The following PTGES3L variants were observed in gnomAD, a reference collection of about 807,000 sequenced individuals.
PTGES3L encodes the protein putative protein PTGES3L.
PTGES3L carries 17 observed loss-of-function variants against 25.0 expected under a neutral mutation model. The observed-to-expected ratio is 0.68, with a 90% CI of 0.47 to 1.02. The LOEUF (loss-of-function observed/expected upper bound fraction) is 1.02, where lower values mean the gene tolerates loss of function less well. Ranked by LOEUF, PTGES3L falls within the 50% of genes least tolerant of loss-of-function variation. PTGES3L has a pLI of 0.00. For synonymous variants in PTGES3L, 59 were observed against 65.7 expected, an observed-to-expected ratio of 0.90 and a Z score of 0.50; for missense variants, 202 against 197.5, an observed-to-expected ratio of 1.02 and a Z score of -0.14.
intron 4 of PTGES3L, 101 bp from the exon 5 acceptor site, chr17:42,971,797 G>A: frequency 1.8e-6 from 2 of 1,125,496 alleles, no homozygotes; most frequent in Non-Finnish European, 2.6e-6. Context: ...GGGAAAAGAG[G>A]GTCAGTAGGT....
At position 42,969,119 on chromosome 17, in the gene PTGES3L, C is replaced by A; in HGVS notation, c.*29G>T. On this transcript the variant is annotated 3_prime_UTR_variant, in exon 7 of 7. Transcript: ENST00000591916. ...TAGAACAACTGGAAAATAGCCACAG[C>A]TGCCTTCCCAGCTTTGCGTCACAGA... 1 of 1,529,186 alleles carries A rather than the reference C, an allele frequency of 6.5e-7. No individual in the cohort carries two copies. 94.7% of individuals were successfully genotyped at this position (1,529,186 alleles called of 1,614,324 possible).
chr17:42,977,698 AAG>A (rs2049984609), intron 4 of PTGES3L, among the ~76,000 whole-genome samples: 1 of 151,276 alleles, frequency 6.6e-6, no homozygotes, highest in African/African-American at 2.4e-5. Context: ...AAAGAAAAGA[AAG>A]AAAGAAAGAA....
At chr17:42,979,748 G>A (rs1811665089) in intron 1 of PTGES3L, 85 bp from the exon 2 acceptor site, 2 of 1,525,200 alleles carry the variant, frequency 1.3e-6, no homozygotes, top group Non-Finnish European at 1.8e-6. Context: ...AGGGACCTTT[G>A]ATGCCACAGT....
At chr17:42,974,307 C>G (rs957319042) in intron 4 of PTGES3L, among the ~76,000 whole-genome samples, 4 of 149,340 alleles carry the variant, frequency 2.7e-5, no homozygotes, top group African/African-American at 9.9e-5. Flanking sequence ...CTGCAGTAAG[C>G]TGAGATCGCG....
At position 42,979,248 on chromosome 17, in the gene PTGES3L, A is replaced by G; in HGVS notation, c.210T>C (p.Ser70=). 6.2e-7 allele frequency: 1 copy of G among 1,614,132 alleles called. No individual in the cohort carries two copies. Among genetic ancestry groups the G allele is most frequent in the South Asian group, 1.1e-5 (1 of 91,080 alleles). The change falls in exon 4 of 7, where the codon TCT becomes TCC. Residue 70 remains serine, a synonymous_variant. Coordinates refer to ENST00000591916, the MANE Select transcript of PTGES3L (RefSeq NM_001261430.2). ...TCACAAAACAAGTAATAGAGCGGGAAGAGCGCTTATCCTGGGAGTCCTGCC... is the reference window on the plus strand; with the variant it reads ...TCACAAAACAAGTAATAGAGCGGGAGGAGCGCTTATCCTGGGAGTCCTGCC... ...VNSKDSQDKR[S]SRSITCFVRK...
At chr17:42,971,974 G>A in intron 4 of PTGES3L, 1 of 343,676 alleles carries the variant, frequency 2.9e-6, no homozygotes, top group Admixed American at 4.3e-5. Flanking sequence ...AGGATCACAA[G>A]GTCAGGAGTT....
chr17:42,974,379 G>T (rs957541283), intron 4 of PTGES3L, among the ~76,000 whole-genome samples: 3 of 138,584 alleles, frequency 2.2e-5, no homozygotes, highest in Non-Finnish European at 4.7e-5. Flanking sequence ...AAAAAAAAAA[G>T]ACAAGCTGCA....
intron 4 of PTGES3L, among the ~76,000 whole-genome samples, chr17:42,975,388 C>G (rs1597740856): frequency 6.6e-6 from 1 of 152,210 alleles, no homozygotes. Flanking sequence ...GAAGGCATAC[C>G]TTGAGCAAAG....
Position 42,979,404 on chromosome 17 carries a change from C to CA in PTGES3L, c.162dup (p.Glu55Ter). 6.2e-7 allele frequency: 1 copy of CA among 1,614,170 alleles called. No homozygotes were observed. Among genetic ancestry groups the CA allele is most frequent in the Non-Finnish European group, 8.5e-7 (1 of 1,180,034 alleles). Reference sequence around the variant, plus strand: ...TTGGAGTTCACTTTGGCATAGAACTCAATCTCATTGTACAACTCCACTCCA... The same window carrying CA: ...TTGGAGTTCACTTTGGCATAGAACTCAAATCTCATTGTACAACTCCACTCCA... On this transcript the variant is annotated frameshift_variant, in exon 3 of 7. Transcript: ENST00000591916. LOFTEE classifies it high-confidence loss of function.
chr17:42,979,251 G>A lies in PTGES3L; in HGVS notation c.207C>T (p.Arg69=). Residue 69 remains arginine, a synonymous_variant, in exon 4 of 7, where the codon CGC becomes CGT. Transcript: ENST00000591916. ...KVNSKDSQDK[R]SSRSITCFVR... is the part of the protein sequence containing the mutation. ...CAAAACAAGTAATAGAGCGGGAAGA[G>A]CGCTTATCCTGGGAGTCCTGCCAGA... 2 of 1,614,108 alleles carry A rather than the reference G, an allele frequency of 1.2e-6. No homozygotes were observed. The highest frequency in any genetic ancestry group is 1.7e-6 in the Non-Finnish European group (2 of 1,180,020).
chr17:42,979,103 C>T, intron 4 of PTGES3L, 67 bp downstream of exon 4: 4 of 1,563,740 alleles, frequency 2.6e-6, no homozygotes, highest in Non-Finnish European at 3.5e-6. Flanking sequence ...GGAAAGGAGG[C>T]AAGGACAATC....
chr17:42,979,749 A>T, intron 1 of PTGES3L, 86 bp from the exon 2 acceptor site: 1 of 1,524,718 alleles, frequency 6.6e-7, no homozygotes, highest in Non-Finnish European at 8.9e-7. Flanking sequence ...GGGACCTTTG[A>T]TGCCACAGTT....
chr17:42,971,460 C>T (rs1017674519), intron 5 of PTGES3L, 147 bp downstream of exon 5: 9 of 705,760 alleles, frequency 1.3e-5, no homozygotes, highest in East Asian at 5.4e-5. Flanking sequence ...GCACAAAATA[C>T]GTAAAGAATA....
At chr17:42,970,676 GCACACACACACACACACA>G (rs57542042) in intron 5 of PTGES3L, among the ~76,000 whole-genome samples, 15 of 144,192 alleles carry the variant, frequency 1.0e-4, no homozygotes, top group South Asian at 4.4e-4. Flanking sequence ...CTTAACACGC[GCACACACACACACACACA>G]CACACACACA....
At chr17:42,971,761 TG>T (rs1389313953) in intron 4 of PTGES3L, 65 bp from the exon 5 acceptor site, 5 of 1,568,404 alleles carry the variant, frequency 3.2e-6, no homozygotes, top group Non-Finnish European at 8.8e-7. Flanking sequence ...TGGGAGAGTG[TG>T]GGCATATGCA....
In PTGES3L at chr17:42,979,553, A is replaced by C; in HGVS notation, c.119T>G (p.Phe40Cys). 6.2e-7 allele frequency: 1 copy of C among 1,614,168 alleles called. No individual in the cohort carries two copies. ...CCTCGGACGGCAGGGCCACTACCTG[A>C]ACACAATGCGGTGATCCTCAATAAG... ...HVLIEDHRIV[F>C]SCKNADGVEL... is the part of the protein sequence containing the mutation. Residue 40 changes from phenylalanine (F) to cysteine (C), a missense_variant, in exon 2 of 7, where the codon TTC (phenylalanine) becomes TGC (cysteine). Transcript: ENST00000591916.
intron 3 of PTGES3L, 41 bp from the exon 4 acceptor site, chr17:42,979,309 G>A: frequency 4.3e-6 from 7 of 1,614,060 alleles, no homozygotes; most frequent in Non-Finnish European, 5.1e-6. Context: ...CTGGGGTTTA[G>A]AATTAATCTC....
rs568338614 is a variant in PTGES3L at position 42,978,996 on chromosome 17, G to A, written c.288+174C>T. ...GCCTGGGCAACAAGAGTGAAACTCC[G>A]TCTCAAAATAAATAAATAAATAAAA... On this transcript the variant is annotated intron_variant, in intron 4 of 6. Transcript: ENST00000591916. Among the ~76,000 whole-genome samples, 8 of 152,066 alleles carry A rather than the reference G, an allele frequency of 5.3e-5. No homozygotes were observed. In the South Asian group the frequency reaches 6.2e-4, roughly 12 times the overall value.
At position 42,968,740 on chromosome 17, in the gene PTGES3L, A is replaced by G. The variant is rs189857283; in HGVS notation, c.*408T>C. Reference sequence around the variant, plus strand: ...AACAGACAGAGAACAGTTCCTAGAGATTTATTATAATCTGTTTCTTCTTTG... The same window carrying G: ...AACAGACAGAGAACAGTTCCTAGAGGTTTATTATAATCTGTTTCTTCTTTG... On this transcript the variant is annotated 3_prime_UTR_variant, in exon 7 of 7. Coordinates refer to ENST00000591916, the MANE Select transcript of PTGES3L (RefSeq NM_001261430.2). 6.2e-6 allele frequency: 1 copy of G among 162,158 alleles called. No individual in the cohort carries two copies. Among genetic ancestry groups the G allele is most frequent in the African/African-American group, 2.4e-5 (1 of 41,892 alleles). The allele number at this position is 162,158 out of a possible 1,614,324, so 10.0% of individuals were successfully genotyped here.
Sources: allele counts gnomAD v4.1 joint callset (sites outside exome capture counted in the v4.1 genomes callset), GRCh38; gene constraint gnomAD v4.1.1; transcripts MANE v1.5; gene names NCBI Gene and HGNC (gene_info 2026-07-23, HGNC 2026-07-21).